Variants in DEFB112 observed in about 807,000 individuals in gnomAD.
DEFB112 encodes beta-defensin 112.
A neutral mutation model predicts 1.1 loss-of-function variants in DEFB112; 2 were observed. The ratio of observed to expected loss-of-function variants is 1.85; its 90% CI spans 0.76 to 5.83. The LOEUF (loss-of-function observed/expected upper bound fraction) is 5.83. Among genes scored for constraint, DEFB112 ranks in the 30% most tolerant of loss-of-function variants. The pLI is 0.05. For missense variants in DEFB112, 120 were observed against 94.4 expected (o/e 1.27, Z -1.12); for synonymous variants, 40 against 31.2 (o/e 1.28, Z -0.93).
At chr6:50,046,219 C>A (rs1237815617) in intron 1 of DEFB112, among the ~76,000 whole-genome samples, 1 of 67,440 alleles carries the variant, frequency 1.5e-5, no homozygotes, top group African/African-American at 5.2e-5. Context: ...AATTGAGGAG[C>A]ACTGTGTGTG....
rs1376236493 is a variant in DEFB112, at chr6:50,043,631, T to A, written c.229A>T (p.Ile77Phe). Reference protein sequence around the residue: ...ECDPTDPNNWIPKDSVGTQEW... With the variant: ...ECDPTDPNNWFPKDSVGTQEW... ...TGAGTCCCTACTGAGTCCTTTGGGA[T>A]CCAATTATTTGGGTCCGTAGGGTCA... is the stretch of plus-strand genomic sequence containing the variant. Residue 77 changes from isoleucine to phenylalanine, a missense_variant, in exon 2 of 2, where the codon ATC (isoleucine) becomes TTC (phenylalanine). Ile to Phe is a conservative substitution (Grantham distance 21). Transcript: ENST00000651554. 2.5e-6 allele frequency: 4 copies of A among 1,613,538 alleles called. No individual in the cohort carries two copies. In the South Asian group the frequency reaches 3.3e-5, roughly 13 times the overall value.
chr6:50,045,634 C>T (rs763977661), intron 1 of DEFB112, among the ~76,000 whole-genome samples: 10 of 152,060 alleles, frequency 6.6e-5, no homozygotes, highest in Admixed American at 1.3e-4. Context: ...AGAAATGTGC[C>T]ATTAGGTGAT....
At chr6:50,048,010 G>C (rs1362486349) in intron 1 of DEFB112, among the ~76,000 whole-genome samples, 1 of 151,934 alleles carries the variant, frequency 6.6e-6, no homozygotes, top group Non-Finnish European at 1.5e-5. Flanking sequence ...AGCGGGGCGT[G>C]GTGGTGGGAG....
rs777509883 is a variant in DEFB112, at chr6:50,043,635, A to G, written c.225T>C (p.Asn75=). ...TCCCTACTGAGTCCTTTGGGATCCA[A>G]TTATTTGGGTCCGTAGGGTCACATT... The part of the protein sequence containing the change: ...VTECDPTDPN[N]WIPKDSVGTQ... The change falls in exon 2 of 2, where the codon AAT becomes AAC. Residue 75 remains asparagine, a synonymous_variant. Transcript: ENST00000651554. 32 of 1,613,460 alleles carry G rather than the reference A, an allele frequency of 2.0e-5. 1 individual carries two copies. The Middle Eastern group carries it at 5.0e-4, about 25-fold the overall frequency.
In DEFB112 at chr6:50,043,477, A is replaced by G. The variant is rs1272479363; in HGVS notation, c.*98T>C. On this transcript the variant is annotated 3_prime_UTR_variant, in exon 2 of 2. Coordinates refer to ENST00000651554, the MANE Select transcript of DEFB112 (RefSeq NM_001369057.2). ...TATTTTATTTAATTATTTATTCATT[A>G]TAGGTATGCATGCATGGAAATTATA... 2 of 749,916 alleles carry G rather than the reference A, an allele frequency of 2.7e-6. No individual in the cohort carries two copies. The highest frequency in any genetic ancestry group is 4.5e-6 in the Non-Finnish European group (2 of 447,642). The allele number at this position is 749,916 out of a possible 1,614,324, so 46.5% of individuals were successfully genotyped here.
At chr6:50,045,998 A>C (rs992700551) in intron 1 of DEFB112, among the ~76,000 whole-genome samples, 1 of 152,174 alleles carries the variant, frequency 6.6e-6, no homozygotes, top group Non-Finnish European at 1.5e-5. Context: ...ACATTATCAA[A>C]CACATTCCAT....
In DEFB112 at chr6:50,043,071, A is replaced by G. The variant is rs566426090; in HGVS notation, c.*504T>C. On this transcript the variant is annotated 3_prime_UTR_variant, in exon 2 of 2. Transcript: ENST00000651554. ...ATTATTCTTGGAAAAAAAATCAGTT[A>G]TTTTTATTTTCATAATTCTTTCAAA... 2.4e-4 allele frequency among the ~76,000 whole-genome samples: 37 copies of G among 152,116 alleles called. No individual in the cohort carries two copies. The highest frequency in any genetic ancestry group is 2.0e-3 in the Admixed American group (30 of 15,260).
At chr6:50,046,146 T>C (rs1237968688) in intron 1 of DEFB112, among the ~76,000 whole-genome samples, 1 of 151,908 alleles carries the variant, frequency 6.6e-6, no homozygotes, top group Non-Finnish European at 1.5e-5. Context: ...GTGTATTAAA[T>C]CCACTTTCAA....
chr6:50,048,590 G>T (rs780624440), intron 1 of DEFB112: 10 of 1,613,522 alleles, frequency 6.2e-6, no homozygotes, highest in Non-Finnish European at 8.5e-6. Flanking sequence ...TGTGGAAGAT[G>T]TATTTGTCTT....
chr6:50,044,236 G>T (rs555812684), intron 1 of DEFB112, among the ~76,000 whole-genome samples: 1 of 152,102 alleles, frequency 6.6e-6, no homozygotes, highest in African/African-American at 2.4e-5. Flanking sequence ...AATATTGAAA[G>T]ATACAATTTT....
intron 1 of DEFB112, among the ~76,000 whole-genome samples, chr6:50,046,371 T>C (rs1774834370): frequency 2.0e-5 from 3 of 152,126 alleles, no homozygotes; most frequent in South Asian, 4.1e-4. Context: ...CATTAATACA[T>C]AGCATTCACT....
chr6:50,045,911 T>C (rs1774823329), intron 1 of DEFB112, among the ~76,000 whole-genome samples: 1 of 152,150 alleles, frequency 6.6e-6, no homozygotes, highest in South Asian at 2.1e-4. Flanking sequence ...ATCCTCAGAA[T>C]GGTGCAAAAA....
At chr6:50,044,510 C>T (rs1030803326) in intron 1 of DEFB112, among the ~76,000 whole-genome samples, 10 of 151,902 alleles carry the variant, frequency 6.6e-5, no homozygotes, top group South Asian at 2.1e-4. Flanking sequence ...ATAATTTCTT[C>T]GACTTTGTAA....
intron 1 of DEFB112, among the ~76,000 whole-genome samples, chr6:50,046,893 G>C (rs185732270): frequency 6.6e-6 from 1 of 152,282 alleles, no homozygotes; most frequent in South Asian, 2.1e-4. Flanking sequence ...GGTGAGCCTA[G>C]GGTTACATGA....
chr6:50,043,674 A>G lies in DEFB112; in HGVS notation c.186T>C (p.His62=), dbSNP rs755650937. The G allele has an allele frequency of 5.0e-6, 8 of 1,613,434 alleles. 1 individual carries two copies. The highest frequency in any genetic ancestry group is 4.4e-5 in the South Asian group (4 of 91,074). ...RISYCARPTT[H]CCVTECDPTD... is the part of the protein sequence containing the mutation. ...TAGGGTCACATTCTGTCACGCAGCA[A>G]TGAGTTGTAGGTCTTGCACAGTATG... is the stretch of plus-strand genomic sequence containing the variant. The change falls in exon 2 of 2, where the codon CAT becomes CAC. Residue 62 remains histidine, a synonymous_variant. Coordinates refer to ENST00000651554, the MANE Select transcript of DEFB112 (RefSeq NM_001369057.2).
At chr6:50,048,952 A>T (rs1205474981) in intron 1 of DEFB112, among the ~76,000 whole-genome samples, 1 of 152,132 alleles carries the variant, frequency 6.6e-6, no homozygotes, top group Non-Finnish European at 1.5e-5. Context: ...TATTATGAAG[A>T]AAACCTATCA....
chr6:50,048,519 C>A, intron 1 of DEFB112: 1 of 1,581,804 alleles, frequency 6.3e-7, no homozygotes, highest in Non-Finnish European at 8.7e-7. Context: ...AGACACAATT[C>A]TACTTATTTT....
Position 50,042,870 on chromosome 6 carries a change from G to C in DEFB112, c.*705C>G, listed in dbSNP as rs1774767386. 6.6e-6 allele frequency among the ~76,000 whole-genome samples: 1 copy of C among 151,746 alleles called. No homozygotes were observed. Among genetic ancestry groups the C allele is most frequent in the Non-Finnish European group, 1.5e-5 (1 of 67,880 alleles). ...TTAAAATTTACTAAGACACCAATAA[G>C]TAGCATGATAAGAATCATCTGATAA... On this transcript the variant is annotated 3_prime_UTR_variant, in exon 2 of 2. Transcript: ENST00000651554.
At chr6:50,046,147 C>T (rs1049902306) in intron 1 of DEFB112, among the ~76,000 whole-genome samples, 4 of 151,030 alleles carry the variant, frequency 2.6e-5, no homozygotes, top group African/African-American at 4.9e-5. Flanking sequence ...TGTATTAAAT[C>T]CACTTTCAAT....
Sources: gnomAD v4.1 joint callset for allele counts (sites outside exome capture counted in the v4.1 genomes callset) on GRCh38, gnomAD v4.1.1 for gene constraint, MANE v1.5 for transcripts, NCBI Gene and HGNC (gene_info 2026-07-23, HGNC 2026-07-21) for gene names.